NEBL: variants seen among roughly 807,000 people sequenced by gnomAD.
The protein encoded by NEBL is LIM and SH3 protein 2.
A neutral mutation model predicts 140.2 loss-of-function variants in NEBL; 122 were observed. That is an observed-to-expected ratio of 0.87 (90% CI 0.75 to 1.01). The LOEUF (loss-of-function observed/expected upper bound fraction) is 1.01, where lower values mean the gene tolerates loss of function less well. NEBL is among the 50% of genes least tolerant of loss of function. NEBL has a pLI of 0.00. For missense variants in NEBL, 1,365 were observed against 1,231.3 expected (o/e 1.11, Z -1.62); for synonymous variants, 436 against 398.9 (o/e 1.09, Z -1.11).
intron 5 of NEBL, among the ~76,000 whole-genome samples, chr10:20,875,968 C>G (rs939208255): frequency 6.6e-6 from 1 of 152,152 alleles, no homozygotes; most frequent in African/African-American, 2.4e-5. Flanking sequence ...TTGTCTTTAG[C>G]AAAACTCTCA....
At chr10:20,897,518 A>G (rs1353724321), upstream of NEBL, 2 of 1,108,610 alleles carry the variant, frequency 1.8e-6, no homozygotes, top group Admixed American at 4.6e-5. Context: ...AAATTTATTT[A>G]TCTTTTACTA....
At chr10:21,227,729 C>CTTCT in intron 3 of NEBL, among the ~76,000 whole-genome samples, 9 of 126,490 alleles carry the variant, frequency 7.1e-5, no homozygotes, top group African/African-American at 2.9e-4. Context: ...TCTTCTTCTT[C>CTTCT]TTCTTCTTCT....
At chr10:20,861,829 C>T (rs984598643) in intron 7 of NEBL, among the ~76,000 whole-genome samples, 2 of 152,134 alleles carry the variant, frequency 1.3e-5, no homozygotes, top group Admixed American at 1.3e-4. Context: ...ATGTTACAGA[C>T]ACCCCTTCCT....
chr10:21,042,927 CA>C (rs1223593281), intron 2 of NEBL, among the ~76,000 whole-genome samples: 4 of 152,180 alleles, frequency 2.6e-5, no homozygotes, highest in Non-Finnish European at 5.9e-5. Context: ...TCCATTGAAC[CA>C]TTTAATTAAG....
Position 20,859,764 on chromosome 10 carries a change from A to G in NEBL, c.747T>C (p.Leu249=). ...MKDKKHHYNP[L]ESASFRQNQL... is the part of the protein sequence containing the mutation. ...GATTCTGCCTAAAAGAAGCACTTTCAAGAGGATTGTAATGATGTTTCTTAT... is the reference window on the plus strand; with the variant it reads ...GATTCTGCCTAAAAGAAGCACTTTCGAGAGGATTGTAATGATGTTTCTTAT... The change falls in exon 8 of 28, where the codon CTT becomes CTC. Residue 249 remains leucine (L), a synonymous_variant. Coordinates refer to ENST00000377122, the MANE Select transcript of NEBL (RefSeq NM_006393.3). 6.2e-7 allele frequency: 1 copy of G among 1,605,316 alleles called. No individual in the cohort carries two copies. Among genetic ancestry groups the G allele is most frequent in the African/African-American group, 1.3e-5 (1 of 74,830 alleles).
At chr10:20,963,003 AACACACACACACACACACACACACAC>A (rs35031266) in intron 3 of NEBL, among the ~76,000 whole-genome samples, 1 of 143,210 alleles carries the variant, frequency 7.0e-6, no homozygotes, top group Non-Finnish European at 1.5e-5. Context: ...TTGAAAGAAA[AACACACACACACACACACACACACAC>A]ACACACACAC....
intron 2 of NEBL, among the ~76,000 whole-genome samples, chr10:21,073,982 G>A (rs886824255): frequency 6.6e-6 from 1 of 152,194 alleles, no homozygotes; most frequent in South Asian, 2.1e-4. Flanking sequence ...GGCTGAGGCA[G>A]GAGGATGGCG....
At chr10:20,809,213 G>A (rs1354498605) in intron 25 of NEBL, among the ~76,000 whole-genome samples, 1 of 152,098 alleles carries the variant, frequency 6.6e-6, no homozygotes, top group Admixed American at 6.6e-5. Context: ...CTGCATAACT[G>A]TCAGAGAAAA....
At chr10:21,120,390 ATAC>A (rs1489714952) in intron 2 of NEBL, among the ~76,000 whole-genome samples, 36 of 99,492 alleles carry the variant, frequency 3.6e-4, no homozygotes, top group South Asian at 6.8e-4. Context: ...AAAAAAAAAA[ATAC>A]ATATATATAT....
chr10:20,986,664 A>C (rs1180669178), intron 3 of NEBL, among the ~76,000 whole-genome samples: 1 of 152,252 alleles, frequency 6.6e-6, no homozygotes, highest in Non-Finnish European at 1.5e-5. Flanking sequence ...CTTGAAATAA[A>C]CTAGCATCAA....
chr10:21,078,536 T>G (rs1325668962), intron 2 of NEBL, among the ~76,000 whole-genome samples: 4 of 152,074 alleles, frequency 2.6e-5, no homozygotes, highest in Non-Finnish European at 5.9e-5. Context: ...TTTGGAAATC[T>G]TCTTGAATCC....
intron 4 of NEBL, among the ~76,000 whole-genome samples, chr10:20,939,105 C>T (rs1279235956): frequency 5.9e-5 from 9 of 152,036 alleles, no homozygotes. Context: ...AAGATACTCC[C>T]CAAGAAGAGC....
At chr10:20,946,434 G>A (rs1006625137) in intron 4 of NEBL, among the ~76,000 whole-genome samples, 6 of 151,996 alleles carry the variant, frequency 3.9e-5, no homozygotes, top group African/African-American at 1.5e-4. Context: ...GTAGCTACGT[G>A]GCTACCCATT....
At chr10:21,265,173 T>C (rs920851605) in intron 1 of NEBL, among the ~76,000 whole-genome samples, 6 of 152,126 alleles carry the variant, frequency 3.9e-5, no homozygotes, top group Non-Finnish European at 8.8e-5. Flanking sequence ...TCCACCCACC[T>C]GGGCCTCCCA....
chr10:20,897,584 C>T (rs1847619237), upstream of NEBL: 2 of 1,036,644 alleles, frequency 1.9e-6, no homozygotes, highest in South Asian at 3.3e-5. Flanking sequence ...GGGAAAACTA[C>T]TCAGCTCTAA....
chr10:21,084,830 G>A (rs781189779), intron 2 of NEBL, among the ~76,000 whole-genome samples: 6 of 152,122 alleles, frequency 3.9e-5, no homozygotes, highest in Admixed American at 6.6e-5. Context: ...GAGAGAACCC[G>A]GTTGCTGCCA....
Position 20,845,327 on chromosome 10 carries a change from C to G in NEBL, c.1158G>C (p.Arg386Ser), listed in dbSNP as rs780490996. The G allele has an allele frequency of 6.2e-7, 1 of 1,605,902 alleles. No homozygotes were observed. Among genetic ancestry groups the G allele is most frequent in the South Asian group, 1.1e-5 (1 of 90,898 alleles). ...KEDFEKEIKG[R>S]SSLDLDKTPE... ...GAGTCTTGTCTAAATCCAGTGATGA[C>G]CTTCCTTTAATCTCCTTCTCAAAAT... is the stretch of plus-strand genomic sequence containing the variant. Residue 386 changes from arginine (R) to serine (S), a missense_variant, in exon 12 of 28, where the codon AGG becomes AGC. By Grantham distance (110) the Arg-to-Ser change is moderately radical (BLOSUM62 -1). Coordinates refer to ENST00000377122, the MANE Select transcript of NEBL (RefSeq NM_006393.3).
intron 26 of NEBL, among the ~76,000 whole-genome samples, chr10:20,794,994 C>A (rs1010463993): frequency 6.6e-6 from 1 of 152,078 alleles, no homozygotes; most frequent in Non-Finnish European, 1.5e-5. Context: ...TGAGGGGGAG[C>A]CAGAATTTAA....
At chr10:21,217,125 G>A (rs1405442037) in intron 3 of NEBL, among the ~76,000 whole-genome samples, 3 of 152,202 alleles carry the variant, frequency 2.0e-5, no homozygotes, top group Admixed American at 6.5e-5. Context: ...ACCTCTGCAC[G>A]CACAGTTGTT....
Sources: allele counts gnomAD v4.1 joint callset (sites outside exome capture counted in the v4.1 genomes callset), GRCh38; gene constraint gnomAD v4.1.1; transcripts MANE v1.5; gene names NCBI Gene and HGNC (gene_info 2026-07-23, HGNC 2026-07-21).